Variants in GOSR1 observed in about 807,000 individuals in gnomAD.
GOSR1 encodes the protein 28 kDa Golgi SNARE protein.
In GOSR1, 21 loss-of-function variants were observed where a neutral mutation model predicts 35.5. The observed-to-expected ratio is 0.59, with a 90% CI of 0.42 to 0.85. The LOEUF is 0.85. GOSR1 is among the 40% of genes least tolerant of loss of function. GOSR1 has a pLI of 0.00. For missense variants in GOSR1, 285 were observed against 309.6 expected (o/e 0.92, Z 0.60); for synonymous variants, 94 against 106.6 (o/e 0.88, Z 0.73).
At chr17:30,477,592 G>A (rs549737613) in intron 1 of GOSR1, 128 bp downstream of exon 1, 74 of 1,390,274 alleles carry the variant, frequency 5.3e-5, no homozygotes, top group Non-Finnish European at 7.0e-5. Context: ...AGCGGGGCTT[G>A]CCTAAGTGGG....
At chr17:30,481,010 C>G (rs1289309427) in intron 1 of GOSR1, 133 bp from the exon 2 acceptor site, 24 of 632,346 alleles carry the variant, frequency 3.8e-5, no homozygotes, top group Non-Finnish European at 1.1e-5. Context: ...CCGTGCCCAG[C>G]CAACACTTTT....
intron 6 of GOSR1, among the ~76,000 whole-genome samples, chr17:30,504,823 A>G (rs185247244): frequency 1.3e-5 from 2 of 152,374 alleles, no homozygotes; most frequent in East Asian, 1.9e-4. Flanking sequence ...AATACAAATT[A>G]TAATGAGTTT....
At chr17:30,519,836 A>C (rs576024222) in intron 7 of GOSR1, 103 bp from the exon 8 acceptor site, 64 of 708,452 alleles carry the variant, frequency 9.0e-5, no homozygotes, top group Non-Finnish European at 1.5e-4. Flanking sequence ...GTGCTTTCTA[A>C]GATGATGTTG....
rs570018524 is a variant in GOSR1, at chr17:30,503,990, TATA to T, written c.510-6887_510-6885del. 2.5e-3 allele frequency among the ~76,000 whole-genome samples: 374 copies of T among 152,170 alleles called. 1 individual carries two copies. The highest frequency in any genetic ancestry group is 8.7e-3 in the African/African-American group (360 of 41,522). On this transcript the variant is annotated intron_variant, in intron 6 of 8. Transcript: ENST00000451249. ...TTCTGTAGGGTAGCATATTTGGGAT[TATA>T]ATTTTCATTTTCTTTAGGTTGGTTT...
At chr17:30,492,588 C>A in intron 5 of GOSR1, 91 bp from the exon 6 acceptor site, 1 of 724,934 alleles carries the variant, frequency 1.4e-6, no homozygotes. Flanking sequence ...TGGAGAGGCT[C>A]AATTTTTCTA....
chr17:30,478,959 T>C (rs1914147748), intron 1 of GOSR1: 1 of 152,222 alleles, frequency 6.6e-6, no homozygotes, highest in Non-Finnish European at 1.5e-5. Flanking sequence ...TTACAGCGGC[T>C]CATTACTGAC....
chr17:30,516,906 G>A (rs544919199), intron 7 of GOSR1, among the ~76,000 whole-genome samples: 1 of 152,148 alleles, frequency 6.6e-6, no homozygotes, highest in African/African-American at 2.4e-5. Context: ...TAGAGAAGAG[G>A]TTTCACCATG....
chr17:30,498,663 C>A (rs80219403), intron 6 of GOSR1, among the ~76,000 whole-genome samples: 1 of 152,170 alleles, frequency 6.6e-6, no homozygotes, highest in Non-Finnish European at 1.5e-5. Flanking sequence ...TATCATTCCT[C>A]ATACATTATT....
rs1434340052 is a variant in GOSR1 at position 30,523,612 on chromosome 17, C to T, written c.*1234C>T. On this transcript the variant is annotated 3_prime_UTR_variant, in exon 9 of 9. Coordinates refer to ENST00000451249, the MANE Select transcript of GOSR1 (RefSeq NM_001007025.2). ...CCCCCGCCCGGCCAGCCGCCCCGTC[C>T]GGGAGGGAGGTGGGGGGCGCCTCTG... 1.0e-4 allele frequency: 16 copies of T among 158,562 alleles called. No individual in the cohort carries two copies. The highest frequency in any genetic ancestry group is 5.7e-4 in the East Asian group (3 of 5,222). The allele number at this position is 158,562 out of a possible 1,614,324, so 9.8% of individuals were successfully genotyped here. A position where few individuals can be genotyped will look rare whatever the true frequency, so the allele number is the denominator to read the frequency against.
intron 5 of GOSR1, among the ~76,000 whole-genome samples, chr17:30,490,684 A>G (rs1914988115): frequency 6.6e-6 from 1 of 152,178 alleles, no homozygotes; most frequent in South Asian, 2.1e-4. Context: ...ACAAACAGTA[A>G]TATGTACAAA....
At chr17:30,517,984 C>T (rs1967884915) in intron 7 of GOSR1, among the ~76,000 whole-genome samples, 1 of 152,176 alleles carries the variant, frequency 6.6e-6, no homozygotes, top group South Asian at 2.1e-4. Flanking sequence ...GTGATGCATC[C>T]ATCACTGGGC....
In GOSR1 at chr17:30,484,793, T is replaced by G. The variant is rs781622575; in HGVS notation, c.342+23T>G. 4.0e-6 allele frequency: 5 copies of G among 1,238,904 alleles called. No homozygotes were observed. The South Asian group carries it at 6.0e-5, about 15-fold the overall frequency. 76.7% of individuals were successfully genotyped at this position (1,238,904 alleles called of 1,614,324 possible). On this transcript the variant is annotated intron_variant, in intron 4 of 8. Coordinates refer to ENST00000451249, the MANE Select transcript of GOSR1 (RefSeq NM_001007025.2). ...CAGGTAATATATTGGGCTCGAGATG[T>G]TTTCATTATCACAGGAGTTTGGGTT...
chr17:30,518,795 T>C (rs1967913944), intron 7 of GOSR1, among the ~76,000 whole-genome samples: 2 of 151,450 alleles, frequency 1.3e-5, no homozygotes, highest in South Asian at 4.2e-4. Flanking sequence ...AAAAAAAAAT[T>C]AGCCAGGCAT....
At chr17:30,490,093 C>A in intron 4 of GOSR1, 33 bp from the exon 5 acceptor site, 1 of 954,992 alleles carries the variant, frequency 1.0e-6, no homozygotes, top group Non-Finnish European at 1.7e-6. Flanking sequence ...CCATAATTAG[C>A]TTCTGTTGAG....
At chr17:30,478,017 G>A (rs1914064411) in intron 1 of GOSR1, 2 of 713,122 alleles carry the variant, frequency 2.8e-6, no homozygotes, top group Admixed American at 6.3e-5. Context: ...AGGACTGGGT[G>A]TTTGAAGGAG....
chr17:30,503,728 G>T (rs1567909273), intron 6 of GOSR1, among the ~76,000 whole-genome samples: 1 of 152,210 alleles, frequency 6.6e-6, no homozygotes, highest in Non-Finnish European at 1.5e-5. Flanking sequence ...ATAAGCTAAG[G>T]ATGACAGTGG....
At chr17:30,497,195 T>C (rs919803965) in intron 6 of GOSR1, among the ~76,000 whole-genome samples, 16 of 152,154 alleles carry the variant, frequency 1.1e-4, no homozygotes, top group African/African-American at 3.4e-4. Flanking sequence ...GCCAAGACTT[T>C]GAGATTGGTC....
At chr17:30,517,043 C>A (rs1475466114) in intron 7 of GOSR1, among the ~76,000 whole-genome samples, 1 of 152,180 alleles carries the variant, frequency 6.6e-6, no homozygotes, top group Admixed American at 6.6e-5. Context: ...TACCCAAATA[C>A]TATGTAATCA....
At position 30,496,085 on chromosome 17, in the gene GOSR1, A is replaced by G. The variant is rs16965849; in HGVS notation, c.509+3332A>G. Among the ~76,000 whole-genome samples the G allele has an allele frequency of 2.5e-3, 379 of 152,228 alleles. 1 individual carries two copies. The highest frequency in any genetic ancestry group is 8.8e-3 in the African/African-American group (364 of 41,542). Reference sequence around the variant, plus strand: ...GATTTTTAAGGTTTTGATCTTTTCTATAAATTGACCTATAGGAGTATCCCT... The same window carrying G: ...GATTTTTAAGGTTTTGATCTTTTCTGTAAATTGACCTATAGGAGTATCCCT... On this transcript the variant is annotated intron_variant, in intron 6 of 8. Transcript: ENST00000451249.
Sources: allele counts gnomAD v4.1 joint callset (sites outside exome capture counted in the v4.1 genomes callset), GRCh38; gene constraint gnomAD v4.1.1; transcripts MANE v1.5; gene names NCBI Gene and HGNC (gene_info 2026-07-23, HGNC 2026-07-21).